Variants in HOOK3 observed in about 807,000 individuals in gnomAD.
The protein encoded by HOOK3 is hook microtubule tethering protein 3.
Under a neutral mutation model 116.3 loss-of-function variants are expected in HOOK3, and 24 were observed. The observed-to-expected ratio is 0.21, with a 90% CI of 0.15 to 0.29. The LOEUF is 0.29. Ranked by LOEUF, HOOK3 falls within the 10% of genes least tolerant of loss-of-function variation. The pLI is 1.00. For synonymous variants in HOOK3, 275 were observed against 283.0 expected (o/e 0.97, Z 0.28); for missense variants, 632 against 830.2 (o/e 0.76, Z 2.93).
intron 6 of HOOK3, among the ~76,000 whole-genome samples, chr8:42,951,071 T>C (rs1012338429): frequency 1.4e-4 from 22 of 152,030 alleles, no homozygotes; most frequent in African/African-American, 5.3e-4. Context: ...TATCTATTAT[T>C]TATTTATTTA....
At chr8:43,008,857 C>A (rs1329034448) in intron 18 of HOOK3, among the ~76,000 whole-genome samples, 6 of 150,400 alleles carry the variant, frequency 4.0e-5, no homozygotes, top group African/African-American at 1.5e-4. Flanking sequence ...GACGGGGTTT[C>A]ACCGTTTTAG....
intron 3 of HOOK3, among the ~76,000 whole-genome samples, chr8:42,927,246 TTTTTTTTTTTTTTTGG>T (rs1449604311): frequency 7.7e-6 from 1 of 129,944 alleles, no homozygotes; most frequent in Admixed American, 7.6e-5. Flanking sequence ...ATGGCACTGG[TTTTTTTTTTTTTTTGG>T]TTTTTTTTTT....
Position 43,020,135 on chromosome 8 carries a change from G to A in HOOK3, c.*1637G>A, listed in dbSNP as rs1809796583. ...TTTGTCCTCAGAAGCCGTAGTTGAA[G>A]AAAGATATTAGAGTATACACAGAAC... On this transcript the variant is annotated 3_prime_UTR_variant, in exon 22 of 22. Transcript: ENST00000307602. 1 of 199,600 alleles carries A rather than the reference G, an allele frequency of 5.0e-6. No homozygotes were observed. The highest frequency in any genetic ancestry group is 1.0e-5 in the Non-Finnish European group (1 of 96,842). The allele number at this position is 199,600 out of a possible 1,614,324, so 12.4% of individuals were successfully genotyped here.
intron 2 of HOOK3, among the ~76,000 whole-genome samples, chr8:42,924,554 A>G (rs1038612659): frequency 2.0e-5 from 3 of 152,220 alleles, no homozygotes; most frequent in African/African-American, 4.8e-5. Context: ...CTCGGTATAT[A>G]TTATTTGAAG....
At chr8:42,983,306 C>T (rs2130447628) in intron 14 of HOOK3, among the ~76,000 whole-genome samples, 1 of 149,342 alleles carries the variant, frequency 6.7e-6, no homozygotes, top group East Asian at 2.0e-4. Context: ...TGCACTCCAG[C>T]CTGGGGGACA....
intron 3 of HOOK3, among the ~76,000 whole-genome samples, chr8:42,928,692 C>G (rs1454673630): frequency 6.6e-6 from 1 of 152,148 alleles, no homozygotes; most frequent in Non-Finnish European, 1.5e-5. Flanking sequence ...CAGGACTGAA[C>G]TTCTTATTCT....
In HOOK3 at chr8:42,906,157, CT is replaced by C; in HGVS notation, c.58-9del. 11 of 575,582 alleles carry C rather than the reference CT, an allele frequency of 1.9e-5. No individual in the cohort carries two copies. The highest frequency in any genetic ancestry group is 2.9e-5 in the Non-Finnish European group (9 of 306,552). 35.7% of individuals were successfully genotyped at this position (575,582 alleles called of 1,614,324 possible). A position where few individuals can be genotyped will look rare whatever the true frequency, so the allele number is the denominator to read the frequency against. Reference sequence around the variant, plus strand: ...ACCACAGAATCTCTCCCCCCCCCCTCTTTTTTTCCCTTCAGATCCAGACATT... The same window carrying C: ...ACCACAGAATCTCTCCCCCCCCCCTCTTTTTTCCCTTCAGATCCAGACATT... On this transcript the variant is annotated splice_polypyrimidine_tract_variant and intron_variant, in intron 1 of 21. Coordinates refer to ENST00000307602, the MANE Select transcript of HOOK3 (RefSeq NM_032410.4).
intron 5 of HOOK3, among the ~76,000 whole-genome samples, chr8:42,943,889 T>A (rs1205947946): frequency 6.6e-6 from 1 of 152,206 alleles, no homozygotes; most frequent in East Asian, 1.9e-4. Flanking sequence ...CAAGTTTGCC[T>A]CTACTGTGGG....
chr8:42,960,819 A>G (rs569542747), intron 8 of HOOK3, among the ~76,000 whole-genome samples: 1 of 152,360 alleles, frequency 6.6e-6, no homozygotes, highest in African/African-American at 2.4e-5. Flanking sequence ...ATAATCACCC[A>G]GTCTTTTTTG....
chr8:42,997,608 T>C lies in HOOK3; in HGVS notation c.1591T>C (p.Leu531=), dbSNP rs1563310781. The C allele has an allele frequency of 1.9e-6, 3 of 1,608,584 alleles. No homozygotes were observed. The African/African-American group carries it at 4.0e-5, about 22-fold the overall frequency. ...ACAAGTTGAAGAATTACAAAAATCT[T>C]TACAGGATCAAGGCTCAAAAGCAGA... ...QSQVEELQKS[L]QDQGSKAEDS... Residue 531 remains leucine (L), a synonymous_variant, in exon 16 of 22, where the codon TTA becomes CTA. Transcript: ENST00000307602.
chr8:43,003,134 A>G (rs1361175473), intron 17 of HOOK3, among the ~76,000 whole-genome samples: 9 of 152,222 alleles, frequency 5.9e-5, no homozygotes, highest in Non-Finnish European at 1.3e-4. Context: ...CTGTGAATTA[A>G]TAGCCTGTTA....
At chr8:42,922,586 A>G (rs527554473) in intron 2 of HOOK3, among the ~76,000 whole-genome samples, 9 of 151,504 alleles carry the variant, frequency 5.9e-5, no homozygotes, top group Non-Finnish European at 1.0e-4. Context: ...CTTTGTTTGC[A>G]AAATATGCCA....
chr8:42,955,620 G>T (rs1808418962), intron 6 of HOOK3, among the ~76,000 whole-genome samples: 1 of 152,102 alleles, frequency 6.6e-6, no homozygotes, highest in Non-Finnish European at 1.5e-5. Context: ...CTTCAGGCAG[G>T]CAAAATCAAC....
chr8:43,009,653 T>C (rs1006351232), intron 18 of HOOK3, among the ~76,000 whole-genome samples: 1 of 152,176 alleles, frequency 6.6e-6, no homozygotes, highest in African/African-American at 2.4e-5. Flanking sequence ...AGAACAGACT[T>C]ATTTTTATTA....
intron 2 of HOOK3, among the ~76,000 whole-genome samples, chr8:42,914,613 C>CCAAT (rs1807495194): frequency 6.6e-6 from 1 of 152,140 alleles, no homozygotes; most frequent in Non-Finnish European, 1.5e-5. Context: ...GATTCCATGG[C>CCAAT]CAATCATATT....
intron 21 of HOOK3, among the ~76,000 whole-genome samples, chr8:43,015,396 G>A (rs1487823672): frequency 1.3e-5 from 2 of 152,032 alleles, no homozygotes; most frequent in African/African-American, 4.8e-5. Flanking sequence ...GGTGGCGGGT[G>A]CCTGTAATCC....
chr8:43,002,187 ATGTGCTT>A, intron 17 of HOOK3, 46 bp downstream of exon 17: 1 of 1,456,110 alleles, frequency 6.9e-7, no homozygotes, highest in East Asian at 2.3e-5. Context: ...AGTGGAACAC[ATGTGCTT>A]TGTGTTAGGT....
intron 4 of HOOK3, among the ~76,000 whole-genome samples, chr8:42,937,352 A>ATTTTTTT (rs35303192): frequency 1.8e-4 from 21 of 113,918 alleles, no homozygotes; most frequent in African/African-American, 6.5e-4. Flanking sequence ...GGATTCATTG[A>ATTTTTTT]TTTTTTTTTT....
intron 4 of HOOK3, among the ~76,000 whole-genome samples, chr8:42,934,718 T>C (rs186684708): frequency 2.6e-5 from 4 of 152,312 alleles, no homozygotes; most frequent in Admixed American, 1.3e-4. Context: ...GCAAAGGACA[T>C]GAACTCATCC....
Sources: allele counts gnomAD v4.1 joint callset (sites outside exome capture counted in the v4.1 genomes callset), GRCh38; gene constraint gnomAD v4.1.1; transcripts MANE v1.5; gene names NCBI Gene and HGNC (gene_info 2026-07-23, HGNC 2026-07-21).